The following NCAM2 variants were observed in gnomAD, a reference collection of about 807,000 sequenced individuals.
NCAM2 encodes the protein neural cell adhesion molecule 2.
A neutral mutation model predicts 98.1 loss-of-function variants in NCAM2; 30 were observed. That is an observed-to-expected ratio of 0.31 (90% CI 0.23 to 0.41). The LOEUF (loss-of-function observed/expected upper bound fraction) is 0.41, where lower values mean the gene tolerates loss of function less well. NCAM2 is among the 10% of genes least tolerant of loss of function. The pLI is 1.00. For missense variants in NCAM2, 867 were observed against 1,005.8 expected, an observed-to-expected ratio of 0.86 and a Z score of 1.87; for synonymous variants, 368 against 342.4, an observed-to-expected ratio of 1.07 and a Z score of -0.83.
chr21:21,103,317 G>A (rs1177258756), intron 1 of NCAM2, among the ~76,000 whole-genome samples: 3 of 151,998 alleles, frequency 2.0e-5, no homozygotes, highest in African/African-American at 4.8e-5. Flanking sequence ...CTTGATCTGA[G>A]TGGAACTGCA....
At chr21:21,332,713 T>A (rs1389854230) in intron 6 of NCAM2, among the ~76,000 whole-genome samples, 3 of 152,142 alleles carry the variant, frequency 2.0e-5, no homozygotes, top group African/African-American at 7.2e-5. Flanking sequence ...AACTGCACAC[T>A]CTGTCTTCCA....
intron 1 of NCAM2, among the ~76,000 whole-genome samples, chr21:21,179,615 A>G (rs914863794): frequency 2.6e-5 from 4 of 152,188 alleles, no homozygotes; most frequent in Non-Finnish European, 5.9e-5. Context: ...TCAGCTAATT[A>G]TTTTGTATCC....
At chr21:21,273,473 A>G (rs1965126645) in intron 1 of NCAM2, among the ~76,000 whole-genome samples, 1 of 152,134 alleles carries the variant, frequency 6.6e-6, no homozygotes, top group South Asian at 2.1e-4. Flanking sequence ...ATAAATATGG[A>G]GGTGTCAGGA....
At chr21:21,232,465 G>A (rs188208334) in intron 1 of NCAM2, among the ~76,000 whole-genome samples, 60 of 151,566 alleles carry the variant, frequency 4.0e-4, no homozygotes, top group African/African-American at 1.3e-3. Flanking sequence ...CAGTTGTACA[G>A]CTGTGTTTGA....
intron 12 of NCAM2, among the ~76,000 whole-genome samples, chr21:21,455,621 A>G (rs1403266125): frequency 1.3e-5 from 2 of 152,070 alleles, no homozygotes; most frequent in African/African-American, 2.4e-5. Flanking sequence ...AGAAAAATAT[A>G]ATGCAATATT....
At chr21:21,298,763 C>G (rs994883644) in intron 5 of NCAM2, among the ~76,000 whole-genome samples, 2 of 151,532 alleles carry the variant, frequency 1.3e-5, no homozygotes, top group Non-Finnish European at 3.0e-5. Flanking sequence ...CTCAGATTTT[C>G]TAAGTACACT....
Position 21,120,719 on chromosome 21 carries a change from G to GTT in NCAM2, c.55+122114_55+122115dup, listed in dbSNP as rs56905252. Among the ~76,000 whole-genome samples, 634 of 142,200 alleles carry GTT rather than the reference G, an allele frequency of 4.5e-3. 3 individuals carry two copies. The highest frequency in any genetic ancestry group is 0.01 in the East Asian group (49 of 4,856). 93.3% of individuals were successfully genotyped at this position (142,200 alleles called of 152,430 possible). A position where few individuals can be genotyped will look rare whatever the true frequency, so the allele number is the denominator to read the frequency against. ...TTGATGTTTATTTATTTTTTTGTGG[G>GTT]TTTTTTTTTTTTTTCTTTGAGATGG... On this transcript the variant is annotated intron_variant, in intron 1 of 17. Coordinates refer to ENST00000400546, the MANE Select transcript of NCAM2 (RefSeq NM_004540.5).
At chr21:21,204,535 AAAG>A (rs1461535572) in intron 1 of NCAM2, among the ~76,000 whole-genome samples, 5 of 152,132 alleles carry the variant, frequency 3.3e-5, no homozygotes, top group Non-Finnish European at 7.4e-5. Context: ...TTAAGGCTGA[AAAG>A]AAAGCCATAT....
At chr21:21,265,501 A>G (rs943969711) in intron 1 of NCAM2, among the ~76,000 whole-genome samples, 13 of 143,510 alleles carry the variant, frequency 9.1e-5, no homozygotes, top group African/African-American at 3.3e-4. Context: ...TATATAATAT[A>G]TGTGTGTATA....
chr21:21,116,625 C>G (rs563773506), intron 1 of NCAM2, among the ~76,000 whole-genome samples: 1 of 152,118 alleles, frequency 6.6e-6, no homozygotes, highest in Non-Finnish European at 1.5e-5. Flanking sequence ...GAGGCCGAGG[C>G]AGGTGGATCA....
At chr21:21,416,696 A>C (rs1326262077) in intron 10 of NCAM2, among the ~76,000 whole-genome samples, 1 of 152,180 alleles carries the variant, frequency 6.6e-6, no homozygotes, top group Non-Finnish European at 1.5e-5. Context: ...TTAAACATTT[A>C]AATATTTTTA....
intron 1 of NCAM2, among the ~76,000 whole-genome samples, chr21:21,036,405 TTCTTATC>T (rs1316768100): frequency 6.6e-6 from 1 of 152,180 alleles, no homozygotes; most frequent in African/African-American, 2.4e-5. Flanking sequence ...CAAAAATATT[TTCTTATC>T]TCTTATGACA....
intron 1 of NCAM2, among the ~76,000 whole-genome samples, chr21:21,158,453 A>C (rs905430433): frequency 6.6e-6 from 1 of 152,110 alleles, no homozygotes; most frequent in Admixed American, 6.6e-5. Flanking sequence ...TCTACTAAAA[A>C]TACAAAAATT....
At chr21:21,053,090 G>A (rs552933530) in intron 1 of NCAM2, among the ~76,000 whole-genome samples, 9 of 151,896 alleles carry the variant, frequency 5.9e-5, no homozygotes, top group African/African-American at 1.9e-4. Context: ...TTAATTGCTG[G>A]TATTTCATTG....
chr21:21,198,888 A>G (rs1177023977), intron 1 of NCAM2, among the ~76,000 whole-genome samples: 1 of 152,168 alleles, frequency 6.6e-6, no homozygotes, highest in South Asian at 2.1e-4. Context: ...GAGATCAAAT[A>G]AAAGGATGCA....
chr21:21,102,330 T>C (rs769461717), intron 1 of NCAM2, among the ~76,000 whole-genome samples: 10 of 152,114 alleles, frequency 6.6e-5, no homozygotes, highest in Non-Finnish European at 1.3e-4. Context: ...TTTTTACTTA[T>C]ATTTTTTAAT....
At chr21:21,205,560 G>A (rs1402154587) in intron 1 of NCAM2, among the ~76,000 whole-genome samples, 1 of 152,010 alleles carries the variant, frequency 6.6e-6, no homozygotes, top group Admixed American at 6.6e-5. Context: ...TGGAAAACAA[G>A]GAAATGCAAT....
chr21:21,001,987 CG>C (rs2064027099), intron 1 of NCAM2, among the ~76,000 whole-genome samples: 1 of 152,142 alleles, frequency 6.6e-6, no homozygotes, highest in South Asian at 2.1e-4. Flanking sequence ...CATCTTCTGT[CG>C]GGGCTGTTAC....
At chr21:21,059,867 C>A (rs1046964495) in intron 1 of NCAM2, among the ~76,000 whole-genome samples, 3 of 151,916 alleles carry the variant, frequency 2.0e-5, no homozygotes, top group Non-Finnish European at 2.9e-5. Context: ...CCACCCTCAA[C>A]GAAGTGCAAA....
Sources: gnomAD v4.1 joint callset for allele counts (sites outside exome capture counted in the v4.1 genomes callset) on GRCh38, gnomAD v4.1.1 for gene constraint, MANE v1.5 for transcripts, NCBI Gene and HGNC (gene_info 2026-07-23, HGNC 2026-07-21) for gene names.